HCK: variants seen among roughly 807,000 people sequenced by gnomAD.
HCK encodes the protein tyrosine-protein kinase HCK.
Under a neutral mutation model 70.4 loss-of-function variants are expected in HCK, and 40 were observed. That is an observed-to-expected ratio of 0.57 (90% CI 0.44 to 0.74). The LOEUF is 0.74. HCK is among the 30% of genes least tolerant of loss of function. The probability of loss-of-function intolerance (pLI) is 0.00; values close to 1 mark genes in which losing one functional copy is unlikely to be tolerated. For missense variants in HCK, 568 were observed against 697.2 expected (o/e 0.81, Z 2.09); for synonymous variants, 245 against 263.2 (o/e 0.93, Z 0.67).
intron 7 of HCK, 76 bp downstream of exon 7, chr20:32,084,119 C>T: frequency 8.8e-6 from 13 of 1,468,938 alleles, no homozygotes; most frequent in Non-Finnish European, 1.2e-5. Context: ...ACTGTGGCCC[C>T]TGAGACCTGC....
chr20:32,066,917 C>T (rs1014096063), intron 1 of HCK, among the ~76,000 whole-genome samples: 3 of 152,116 alleles, frequency 2.0e-5, no homozygotes, highest in African/African-American at 4.8e-5. Context: ...CCTTCAAATC[C>T]TTTTTGGAAG....
In HCK at chr20:32,101,330, T is replaced by C; in HGVS notation, c.1392T>C (p.Pro464=). 6.2e-7 allele frequency: 1 copy of C among 1,614,070 alleles called. No homozygotes were observed. The highest frequency in any genetic ancestry group is 1.1e-5 in the South Asian group (1 of 91,046). Residue 464 remains proline (P), a synonymous_variant, in exon 13 of 13, where the codon CCT becomes CCC. Coordinates refer to ENST00000375852, the MANE Select transcript of HCK (RefSeq NM_002110.5). ...GCTCCTTTTCAGGGATGTCAAACCC[T>C]GAAGTGATCCGAGCTCTGGAGCGTG...
intron 1 of HCK, among the ~76,000 whole-genome samples, chr20:32,052,764 C>A (rs2045194328): frequency 7.0e-6 from 1 of 143,410 alleles, no homozygotes; most frequent in South Asian, 2.2e-4. Flanking sequence ...TTCTCTGGGC[C>A]GTCCAGGTTC....
Position 32,101,748 on chromosome 20 carries a change from T to C in HCK, c.*229T>C. The C allele has an allele frequency of 2.3e-6, 1 of 431,374 alleles. No individual in the cohort carries two copies. Among genetic ancestry groups the C allele is most frequent in the Non-Finnish European group, 4.1e-6 (1 of 242,104 alleles). The allele number at this position is 431,374 out of a possible 1,614,324, so 26.7% of individuals were successfully genotyped here. The stretch of plus-strand genomic sequence containing the variant: ...AAGCCCCCAAGTTGATATTTCTATT[T>C]CCTGGAATGGTTGGATTTTAGTTAC... On this transcript the variant is annotated 3_prime_UTR_variant, in exon 13 of 13. Transcript: ENST00000375852.
chr20:32,100,676 G>T (rs1371849319), intron 12 of HCK, among the ~76,000 whole-genome samples: 1 of 152,184 alleles, frequency 6.6e-6, no homozygotes, highest in Non-Finnish European at 1.5e-5. Flanking sequence ...ACATTGAATG[G>T]CTATTCTTAT....
At chr20:32,099,291 T>C (rs756271404) in intron 12 of HCK, among the ~76,000 whole-genome samples, 156 bp downstream of exon 12, 24 of 151,638 alleles carry the variant, frequency 1.6e-4, no homozygotes, top group Non-Finnish European at 2.8e-4. Context: ...ATCCATCTAA[T>C]GTCTTAAGCC....
At position 32,075,571 on chromosome 20, in the gene HCK, G is replaced by A. The variant is rs867216962; in HGVS notation, c.428+850G>A. On this transcript the variant is annotated intron_variant, in intron 5 of 12. Transcript: ENST00000375852. Reference sequence around the variant, plus strand: ...TTCAAGCCCTGTGCCAGCCTAAGGGGCTGTGGAAACAAATAAGATATATCC... The same window carrying A: ...TTCAAGCCCTGTGCCAGCCTAAGGGACTGTGGAAACAAATAAGATATATCC... 1.5e-4 allele frequency among the ~76,000 whole-genome samples: 23 copies of A among 152,258 alleles called. No homozygotes were observed. The Middle Eastern group carries it at 0.014, about 90-fold the overall frequency.
chr20:32,064,258 T>C (rs1028759472), intron 1 of HCK, among the ~76,000 whole-genome samples: 1 of 152,082 alleles, frequency 6.6e-6, no homozygotes, highest in African/African-American at 2.4e-5. Flanking sequence ...CCTCCCAAAG[T>C]GCTGGGATTA....
rs762145919 is a variant in HCK, at chr20:32,079,876, AG to A, written c.532+1del. On this transcript the variant is annotated frameshift_variant and splice_region_variant, in exon 6 of 13. Coordinates refer to ENST00000375852, the MANE Select transcript of HCK (RefSeq NM_002110.5). LOFTEE classifies it high-confidence loss of function. ...TGATCCGGGATAGCGAGACCACTAA[AG>A]GTGACACCAGCCCTCCCCACCTTGT... 1 of 1,605,928 alleles carries A rather than the reference AG, an allele frequency of 6.2e-7. No individual in the cohort carries two copies. Among genetic ancestry groups the A allele is most frequent in the African/African-American group, 1.3e-5 (1 of 74,784 alleles).
intron 1 of HCK, among the ~76,000 whole-genome samples, chr20:32,071,213 T>C (rs1308509609): frequency 6.6e-6 from 1 of 152,208 alleles, no homozygotes; most frequent in Admixed American, 6.5e-5. Context: ...TGTCCCCATT[T>C]TGCCGATGAA....
intron 1 of HCK, among the ~76,000 whole-genome samples, chr20:32,061,045 G>A (rs187482769): frequency 2.6e-4 from 40 of 152,120 alleles, no homozygotes; most frequent in Admixed American, 1.4e-3. Context: ...GTGCAGTGGC[G>A]CAGTCTTGGC....
chr20:32,080,211 G>GT (rs2045689474), intron 6 of HCK, among the ~76,000 whole-genome samples: 1 of 152,132 alleles, frequency 6.6e-6, no homozygotes, highest in Admixed American at 6.5e-5. Flanking sequence ...GTTTTGTTCT[G>GT]TTTTTTGAGA....
intron 12 of HCK, 55 bp from the exon 13 acceptor site, chr20:32,101,262 C>T (rs2046028849): frequency 6.5e-7 from 1 of 1,545,348 alleles, no homozygotes; most frequent in African/African-American, 1.4e-5. Flanking sequence ...GCCTGCCACC[C>T]CTGGGCTCTC....
intron 10 of HCK, among the ~76,000 whole-genome samples, chr20:32,089,773 GC>G (rs2045839721): frequency 6.6e-6 from 1 of 152,234 alleles, no homozygotes; most frequent in South Asian, 2.1e-4. Flanking sequence ...AGAGCATTTA[GC>G]CTGGTCCAGG....
At chr20:32,062,381 A>G (rs1201185377) in intron 1 of HCK, among the ~76,000 whole-genome samples, 1 of 152,218 alleles carries the variant, frequency 6.6e-6, no homozygotes, top group Non-Finnish European at 1.5e-5. Context: ...CATTCCAAGA[A>G]GGTTCACAGT....
intron 10 of HCK, 35 bp downstream of exon 10, chr20:32,088,679 A>G: frequency 6.4e-7 from 1 of 1,565,508 alleles, no homozygotes; most frequent in Non-Finnish European, 8.8e-7. Flanking sequence ...GAAGGGAAAC[A>G]GGAATTCGAT....
Position 32,086,665 on chromosome 20 carries a change from G to A in HCK, c.873G>A (p.Thr291=), listed in dbSNP as rs758658186. Residue 291 remains threonine, a synonymous_variant, in exon 9 of 13, where the codon ACG becomes ACA. Transcript: ENST00000375852. ...AGCACACCAAGGTGGCAGTGAAGAC[G>A]ATGAAGCCAGGGAGCATGTCGGTGG... is the stretch of plus-strand genomic sequence containing the variant. 6.8e-6 allele frequency: 11 copies of A among 1,613,148 alleles called. No individual in the cohort carries two copies. Among genetic ancestry groups the A allele is most frequent in the African/African-American group, 2.7e-5 (2 of 74,874 alleles).
intron 10 of HCK, among the ~76,000 whole-genome samples, chr20:32,090,866 C>T (rs2045855135): frequency 6.6e-6 from 1 of 152,124 alleles, no homozygotes; most frequent in Non-Finnish European, 1.5e-5. Flanking sequence ...CCTGTGTAGC[C>T]TCAAGCAAGT....
In HCK at chr20:32,086,632, C is replaced by G; in HGVS notation, c.840C>G (p.Thr280=). ...CTGCTCTCTATCCCCCTCCAGCCAC[C>G]TACAACAAGCACACCAAGGTGGCAG... The change falls in exon 9 of 13, where the codon ACC becomes ACG. Residue 280 remains threonine (T), a synonymous_variant. Coordinates refer to ENST00000375852, the MANE Select transcript of HCK (RefSeq NM_002110.5). The G allele has an allele frequency of 6.2e-7, 1 of 1,609,282 alleles. No individual in the cohort carries two copies. The highest frequency in any genetic ancestry group is 2.2e-5 in the East Asian group (1 of 44,496).
Sources: allele counts gnomAD v4.1 joint callset (sites outside exome capture counted in the v4.1 genomes callset), GRCh38; gene constraint gnomAD v4.1.1; transcripts MANE v1.5; gene names NCBI Gene and HGNC (gene_info 2026-07-23, HGNC 2026-07-21).